TMEM265: variants seen among roughly 807,000 people sequenced by gnomAD.
TMEM265 encodes transmembrane protein 265.
In TMEM265, 8 loss-of-function variants were observed where a neutral mutation model predicts 9.5. The ratio of observed to expected loss-of-function variants is 0.84; its 90% CI spans 0.49 to 1.52. The LOEUF is 1.52. Among genes scored for constraint, TMEM265 ranks in the 40% most tolerant of loss-of-function variants. TMEM265 has a pLI of 0.00. For synonymous variants in TMEM265, 53 were observed against 56.9 expected (o/e 0.93, Z 0.31); for missense variants, 152 against 146.2 (o/e 1.04, Z -0.21).
chr16:30,741,755 G>C lies in TMEM265; in HGVS notation c.12G>C (p.Glu4Asp). Residue 4 changes from glutamate to aspartate, a missense_variant, in exon 2 of 3, where the codon GAG becomes GAC. Transcript: ENST00000615541. MED[E>D]EKAVEILGNT... ...ATCGCCCACAGGTGATGGAGGACGA[G>C]GAGAAGGCAGTGGAGATCTTGGGCA... is the stretch of plus-strand genomic sequence containing the variant. The C allele has an allele frequency of 6.5e-7, 1 of 1,533,800 alleles. No homozygotes were observed. Among genetic ancestry groups the C allele is most frequent in the Non-Finnish European group, 8.7e-7 (1 of 1,146,652 alleles).
rs1476084407 is a variant in TMEM265, at chr16:30,741,890, TCTGGTGTTTGCCATCAAGGTG to T, written c.148_165+3del. ...GCTGCTCTTGCCTGGGAGTCATGGC[TCTGGTGTTTGCCATCAAGGTG>T]AGGAGTGCAATTCCCATGGGAATGG... On this transcript the variant is annotated splice_donor_variant and splice_donor_region_variant and coding_sequence_variant and intron_variant, in exon 2 of 3. Coordinates refer to ENST00000615541, the MANE Select transcript of TMEM265 (RefSeq NM_001256829.2). LOFTEE classifies it high-confidence loss of function. The T allele has an allele frequency of 1.3e-6, 2 of 1,533,926 alleles. No homozygotes were observed. The highest frequency in any genetic ancestry group is 1.7e-6 in the Non-Finnish European group (2 of 1,146,700).
rs2053240382 is a variant in TMEM265, at chr16:30,743,870, T to G, written c.254T>G (p.Val85Gly). 1.3e-6 allele frequency: 2 copies of G among 1,533,840 alleles called. No homozygotes were observed. Among genetic ancestry groups the G allele is most frequent in the Non-Finnish European group, 8.7e-7 (1 of 1,146,720 alleles). Residue 85 changes from valine (V) to glycine (G), a missense_variant, in exon 3 of 3, where the codon GTC becomes GGC. Physicochemically the swap from Val to Gly is moderately radical, Grantham distance 109. Transcript: ENST00000615541. The part of the protein sequence containing the change: ...ARKLILASFA[V>G]WLAVLILGPL... ...AAACTCATCCTGGCCAGCTTTGCTG[T>G]CTGGCTTGCTGTCCTCATTCTGGGT...
rs534468785 is a variant in TMEM265, at chr16:30,743,749, G to A, written c.166-33G>A. ...AATGGGCACCTTGGGGCAGAAGCAG[G>A]GGGAGAACCTAACCAAGAACCTGCC... is the stretch of plus-strand genomic sequence containing the variant. On this transcript the variant is annotated intron_variant, in intron 2 of 2. Coordinates refer to ENST00000615541, the MANE Select transcript of TMEM265 (RefSeq NM_001256829.2). The A allele has an allele frequency of 1.2e-3, 1,750 of 1,495,090 alleles. 3 individuals are homozygous for A. The highest frequency in any genetic ancestry group is 1.4e-3 in the Non-Finnish European group (1,578 of 1,123,590). The allele number at this position is 1,495,090 out of a possible 1,614,324, so 92.6% of individuals were successfully genotyped here.
chr16:30,744,164 A>C lies in TMEM265; in HGVS notation c.*221A>C, dbSNP rs981867848. The C allele has an allele frequency of 4.2e-6, 2 of 473,434 alleles. No individual in the cohort carries two copies. Among genetic ancestry groups the C allele is most frequent in the South Asian group, 5.4e-5 (1 of 18,636 alleles). The allele number at this position is 473,434 out of a possible 1,614,324, so 29.3% of individuals were successfully genotyped here. A position where few individuals can be genotyped will look rare whatever the true frequency, so the allele number is the denominator to read the frequency against. On this transcript the variant is annotated 3_prime_UTR_variant, in exon 3 of 3. Transcript: ENST00000615541. ...CTGCTCTGTTCTTTCAGGGCCCCCCACCCCCATCTCCCCTACCCTAGCCCA... is the reference window on the plus strand; with the variant it reads ...CTGCTCTGTTCTTTCAGGGCCCCCCCCCCCCATCTCCCCTACCCTAGCCCA...
At chr16:30,742,426 A>G (rs1273869885) in intron 2 of TMEM265, among the ~76,000 whole-genome samples, 1 of 152,210 alleles carries the variant, frequency 6.6e-6, no homozygotes, top group Non-Finnish European at 1.5e-5. Flanking sequence ...TCTTGAAAGT[A>G]CTGGGGAGGC....
Position 30,744,197 on chromosome 16 carries a change from G to A in TMEM265, c.*254G>A, listed in dbSNP as rs1422496016. On this transcript the variant is annotated 3_prime_UTR_variant, in exon 3 of 3. Transcript: ENST00000615541. ...CTCCCCTACCCTAGCCCACCCTAGG[G>A]CCTCTACCCAGCGGGAGGGGTTGAA... The A allele has an allele frequency of 7.8e-6, 3 of 387,028 alleles. No homozygotes were observed. Among genetic ancestry groups the A allele is most frequent in the Non-Finnish European group, 1.4e-5 (3 of 218,710 alleles). 24.0% of individuals were successfully genotyped at this position (387,028 alleles called of 1,614,324 possible). A position where few individuals can be genotyped will look rare whatever the true frequency, so the allele number is the denominator to read the frequency against.
intron 2 of TMEM265, among the ~76,000 whole-genome samples, chr16:30,742,149 A>G (rs917616298): frequency 6.6e-6 from 1 of 152,200 alleles, no homozygotes; most frequent in African/African-American, 2.4e-5. Context: ...GAAGCACAGG[A>G]CAGTGTGGGA....
Position 30,744,159 on chromosome 16 carries a change from C to CT in TMEM265, c.*216_*217insT, listed in dbSNP as rs2053242332. Reference sequence around the variant, plus strand: ...GCAGCCTGCTCTGTTCTTTCAGGGCCCCCCACCCCCATCTCCCCTACCCTA... The same window carrying CT: ...GCAGCCTGCTCTGTTCTTTCAGGGCCTCCCCACCCCCATCTCCCCTACCCTA... On this transcript the variant is annotated 3_prime_UTR_variant, in exon 3 of 3. Coordinates refer to ENST00000615541, the MANE Select transcript of TMEM265 (RefSeq NM_001256829.2). The CT allele has an allele frequency of 2.0e-6, 1 of 490,278 alleles. No homozygotes were observed. Among genetic ancestry groups the CT allele is most frequent in the African/African-American group, 1.9e-5 (1 of 51,336 alleles). 30.4% of individuals were successfully genotyped at this position (490,278 alleles called of 1,614,324 possible). A position where few individuals can be genotyped will look rare whatever the true frequency, so the allele number is the denominator to read the frequency against.
intron 1 of TMEM265, 45 bp downstream of exon 1, chr16:30,740,752 C>T (rs2151302120): frequency 6.6e-6 from 1 of 152,452 alleles, no homozygotes; most frequent in East Asian, 1.9e-4. Flanking sequence ...ACTCCCTGGG[C>T]CCTCCTTGTG....
At position 30,745,028 on chromosome 16, in the gene TMEM265, A is replaced by C. The variant is rs2099754; in HGVS notation, c.*1085A>C. The C allele has an allele frequency of 0.97, 147,205 of 152,326 alleles. 71,285 individuals are homozygous for C. The highest frequency in any genetic ancestry group is 1 in the Middle Eastern group (294 of 294). 9.4% of individuals were successfully genotyped at this position (152,326 alleles called of 1,614,324 possible). A position where few individuals can be genotyped will look rare whatever the true frequency, so the allele number is the denominator to read the frequency against. ...AAATTGGAACACTGTCAACACTTCA[A>C]AGCCTCCTTTATACTCCTCCCAATC... is the stretch of plus-strand genomic sequence containing the variant. On this transcript the variant is annotated 3_prime_UTR_variant, in exon 3 of 3. Transcript: ENST00000615541.
Position 30,741,727 on chromosome 16 carries a change from A to G in TMEM265, c.-3-14A>G. ...TGTTGTTGGGCTCACAAGTACCTTG[A>G]CTATCGCCCACAGGTGATGGAGGAC... On this transcript the variant is annotated splice_polypyrimidine_tract_variant and intron_variant, in intron 1 of 2. Coordinates refer to ENST00000615541, the MANE Select transcript of TMEM265 (RefSeq NM_001256829.2). 1 of 1,530,332 alleles carries G rather than the reference A, an allele frequency of 6.5e-7. No homozygotes were observed. The highest frequency in any genetic ancestry group is 8.7e-7 in the Non-Finnish European group (1 of 1,143,846). The allele number at this position is 1,530,332 out of a possible 1,614,324, so 94.8% of individuals were successfully genotyped here.
chr16:30,742,805 A>T (rs943338956), intron 2 of TMEM265, among the ~76,000 whole-genome samples: 4 of 151,316 alleles, frequency 2.6e-5, no homozygotes, highest in African/African-American at 9.8e-5. Context: ...GCGTGCCTGT[A>T]ATCCCAGCTA....
intron 1 of TMEM265, 128 bp downstream of exon 1, chr16:30,740,835 C>T (rs558839176): frequency 1.3e-5 from 2 of 152,458 alleles, no homozygotes; most frequent in South Asian, 2.1e-4. Flanking sequence ...CTTCTTGGCA[C>T]ACATCATTCT....
At chr16:30,743,329 T>G (rs2053236415) in intron 2 of TMEM265, among the ~76,000 whole-genome samples, 1 of 151,284 alleles carries the variant, frequency 6.6e-6, no homozygotes, top group African/African-American at 2.4e-5. Flanking sequence ...GAGGTTGCAG[T>G]GAGATTGCAC....
chr16:30,743,565 C>T (rs956692373), intron 2 of TMEM265, among the ~76,000 whole-genome samples: 1 of 152,110 alleles, frequency 6.6e-6, no homozygotes, highest in Non-Finnish European at 1.5e-5. Flanking sequence ...TTCCCATAGG[C>T]GATCTTGTGA....
intron 2 of TMEM265, among the ~76,000 whole-genome samples, chr16:30,743,242 T>C (rs2053235997): frequency 6.6e-6 from 1 of 152,032 alleles, no homozygotes. Flanking sequence ...CAAAATTAGC[T>C]GGGCGTGGTG....
intron 2 of TMEM265, among the ~76,000 whole-genome samples, chr16:30,743,075 C>T (rs987673424): frequency 1.3e-5 from 2 of 151,914 alleles, no homozygotes; most frequent in African/African-American, 4.8e-5. Context: ...AGGGCAAAAT[C>T]CTAAAAAGGG....
chr16:30,741,509 C>T (rs1396659680), intron 1 of TMEM265: 3 of 483,842 alleles, frequency 6.2e-6, no homozygotes, highest in Admixed American at 3.5e-5. Context: ...AATGCCTTGT[C>T]TACACTGGCT....
intron 1 of TMEM265, chr16:30,741,002 T>G (rs2053219095): frequency 1.3e-5 from 2 of 152,142 alleles, no homozygotes; most frequent in Non-Finnish European, 2.9e-5. Flanking sequence ...ACCTGAGAAG[T>G]AGGGAGACAA....
Sources: allele counts gnomAD v4.1 joint callset (sites outside exome capture counted in the v4.1 genomes callset), GRCh38; gene constraint gnomAD v4.1.1; transcripts MANE v1.5; gene names NCBI Gene and HGNC (gene_info 2026-07-23, HGNC 2026-07-21).